Variants in BLTP1 observed in about 807,000 individuals in gnomAD.
BLTP1 encodes the protein fragile site-associated protein.
the BLTP1 span, chr4:122,276,002 T>G: frequency 6.3e-7 from 1 of 1,584,076 alleles, no homozygotes; most frequent in Non-Finnish European, 8.6e-7. Flanking sequence ...CTCCTACAAG[T>G]ACAGCCAAAC....
At chr4:122,350,141 A>G in the BLTP1 span, 1 of 1,522,888 alleles carries the variant, frequency 6.6e-7, no homozygotes, top group Non-Finnish European at 8.8e-7. Context: ...TTTTTAATTT[A>G]AAATAATAAT....
the BLTP1 span, chr4:122,281,255 A>C: frequency 1.0e-6 from 1 of 962,076 alleles, no homozygotes; most frequent in African/African-American, 1.8e-5. Flanking sequence ...GGAATCAGAC[A>C]AATCTGAGTT....
At chr4:122,205,641 TTCTCTCTCTC>T in the BLTP1 span, among the ~76,000 whole-genome samples, 1 of 105,762 alleles carries the variant, frequency 9.5e-6, no homozygotes, top group African/African-American at 3.9e-5. Context: ...TTCCCCCCCC[TTCTCTCTCTC>T]TCTCTCTCTC....
the BLTP1 span, among the ~76,000 whole-genome samples, chr4:122,337,478 T>C: frequency 6.6e-6 from 1 of 152,224 alleles, no homozygotes; most frequent in South Asian, 2.1e-4. Context: ...AAAGTACAGT[T>C]TCTACTGAAT....
At chr4:122,281,868 ATAT>A in the BLTP1 span, 5 of 1,341,684 alleles carry the variant, frequency 3.7e-6, no homozygotes, top group East Asian at 2.8e-5. Context: ...GGTTTTATAG[ATAT>A]TATAAGTAAT....
the BLTP1 span, chr4:122,324,660 A>G: frequency 4.4e-6 from 3 of 687,450 alleles, no homozygotes; most frequent in Non-Finnish European, 4.5e-6. Context: ...TTAGTAAAAT[A>G]GCAATAACAG....
the BLTP1 span, chr4:122,172,382 A>T: frequency 3.0e-6 from 2 of 661,858 alleles, no homozygotes; most frequent in Non-Finnish European, 3.7e-6. Context: ...ATATTCATGA[A>T]CTAGATTTTT....
the BLTP1 span, chr4:122,193,373 A>T: frequency 1.3e-5 from 2 of 152,480 alleles, no homozygotes; most frequent in African/African-American, 4.8e-5. Context: ...AAGATAATTG[A>T]GAGTTAGCCA....
At chr4:122,152,628 CCT>C in the BLTP1 span, 1 of 985,586 alleles carries the variant, frequency 1.0e-6, no homozygotes, top group Non-Finnish European at 1.2e-6. Context: ...GTCGTCAGCC[CCT>C]TTTTCCAGTG....
chr4:122,232,484 G>C, the BLTP1 span, among the ~76,000 whole-genome samples: 1 of 152,096 alleles, frequency 6.6e-6, no homozygotes, highest in Non-Finnish European at 1.5e-5. Flanking sequence ...AGGGGATAAC[G>C]TAGTCCCAGC....
chr4:122,224,214 T>C, the BLTP1 span: 1 of 514,776 alleles, frequency 1.9e-6, no homozygotes, highest in Non-Finnish European at 2.5e-6. Context: ...TGTAGTTTCT[T>C]GTTATTCATA....
chr4:122,221,166 A>G, the BLTP1 span: 1 of 400,770 alleles, frequency 2.5e-6, no homozygotes, highest in African/African-American at 2.2e-5. Flanking sequence ...TGACAACCAG[A>G]AATCATCAAT....
At chr4:122,176,223 A>C in the BLTP1 span, among the ~76,000 whole-genome samples, 1 of 152,044 alleles carries the variant, frequency 6.6e-6, no homozygotes, top group Admixed American at 6.6e-5. Flanking sequence ...GAATTGCTTG[A>C]ACCCAGGAGG....
chr4:122,208,498 T>C, the BLTP1 span: 1 of 950,960 alleles, frequency 1.1e-6, no homozygotes, highest in African/African-American at 1.8e-5. Context: ...AAATGAGACT[T>C]ACTAGAATCA....
the BLTP1 span, chr4:122,291,789 T>G: frequency 6.2e-6 from 6 of 974,696 alleles, no homozygotes; most frequent in Non-Finnish European, 6.1e-6. Context: ...GCAAATAATA[T>G]AATAGCGTCT....
chr4:122,153,910 G>A, the BLTP1 span: 1 of 682,702 alleles, frequency 1.5e-6, no homozygotes, highest in African/African-American at 2.0e-5. Context: ...TGGACTAAAA[G>A]AGTTTCGTCC....
the BLTP1 span, chr4:122,249,128 G>A: frequency 4.9e-6 from 4 of 819,896 alleles, no homozygotes; most frequent in African/African-American, 1.9e-5. Flanking sequence ...TTTTCCTAAG[G>A]CTTGGTAATT....
chr4:122,356,509 A>T, the BLTP1 span: 1 of 1,071,634 alleles, frequency 9.3e-7, no homozygotes, highest in Non-Finnish European at 1.4e-6. Context: ...TACAGATATT[A>T]CTCATTTCTT....
At chr4:122,254,771 C>T in the BLTP1 span, 1 of 1,463,080 alleles carries the variant, frequency 6.8e-7, no homozygotes, top group Admixed American at 2.6e-5. Context: ...AATTTTGACA[C>T]TTGTTTTTAT....
Sources: gnomAD v4.1 joint callset for allele counts (sites outside exome capture counted in the v4.1 genomes callset) on GRCh38, gnomAD v4.1.1 for gene constraint, MANE v1.5 for transcripts, NCBI Gene and HGNC (gene_info 2026-07-23, HGNC 2026-07-21) for gene names.